The following ABTB2 variants were observed in gnomAD, a reference collection of about 807,000 sequenced individuals.
ABTB2 encodes the protein ankyrin repeat and BTB/POZ domain-containing protein 2.
Under a neutral mutation model 104.1 loss-of-function variants are expected in ABTB2, and 56 were observed. The observed-to-expected ratio is 0.54, with a 90% CI of 0.43 to 0.67. The LOEUF is 0.67. Among genes scored for constraint, ABTB2 ranks in the 30% least tolerant of loss-of-function variants. The pLI is 0.00. For synonymous variants in ABTB2, 606 were observed against 608.2 expected (o/e 1.00, Z 0.05); for missense variants, 1,279 against 1,407.7 (o/e 0.91, Z 1.46).
intron 1 of ABTB2, among the ~76,000 whole-genome samples, chr11:34,276,320 A>T (rs1854381691): frequency 6.6e-6 from 1 of 152,244 alleles, no homozygotes; most frequent in Non-Finnish European, 1.5e-5. Context: ...AGCACTCAAA[A>T]TAGATTGCCT....
intron 1 of ABTB2, among the ~76,000 whole-genome samples, chr11:34,247,049 G>A (rs1483037227): frequency 6.6e-6 from 1 of 152,030 alleles, no homozygotes; most frequent in Non-Finnish European, 1.5e-5. Flanking sequence ...GTTTCTCCAT[G>A]TTGGTCAGGC....
chr11:34,226,139 T>C (rs909274636), intron 1 of ABTB2, among the ~76,000 whole-genome samples: 2 of 148,614 alleles, frequency 1.3e-5, no homozygotes, highest in African/African-American at 5.0e-5. Context: ...GAGGCAGAGA[T>C]TGCAGTGAGC....
intron 1 of ABTB2, among the ~76,000 whole-genome samples, chr11:34,328,542 G>C (rs1478173399): frequency 6.6e-6 from 1 of 152,200 alleles, no homozygotes; most frequent in Non-Finnish European, 1.5e-5. Context: ...TCTTAGCACT[G>C]TACCTGAGCT....
At chr11:34,286,445 A>G (rs1018021624) in intron 1 of ABTB2, among the ~76,000 whole-genome samples, 1 of 151,840 alleles carries the variant, frequency 6.6e-6, no homozygotes, top group Non-Finnish European at 1.5e-5. Flanking sequence ...GGCACCCGCC[A>G]CCACACCCAG....
chr11:34,198,563 C>G (rs968154561), intron 2 of ABTB2, among the ~76,000 whole-genome samples: 1 of 152,188 alleles, frequency 6.6e-6, no homozygotes, highest in African/African-American at 2.4e-5. Context: ...GTTAACCAGC[C>G]ATGGCTGTGT....
intron 8 of ABTB2, among the ~76,000 whole-genome samples, 196 bp from the exon 9 acceptor site, chr11:34,165,017 C>G (rs956314363): frequency 1.3e-5 from 2 of 152,220 alleles, no homozygotes; most frequent in Non-Finnish European, 2.9e-5. Flanking sequence ...CCTGCTCCCC[C>G]TCCCTGGGTC....
chr11:34,267,186 C>T (rs1175268895), intron 1 of ABTB2, among the ~76,000 whole-genome samples: 1 of 152,200 alleles, frequency 6.6e-6, no homozygotes, highest in Non-Finnish European at 1.5e-5. Context: ...TACTCTGTAG[C>T]TGAGGCCAGG....
At chr11:34,174,959 C>T (rs1393277865) in intron 3 of ABTB2, among the ~76,000 whole-genome samples, 1 of 152,258 alleles carries the variant, frequency 6.6e-6, no homozygotes, top group Non-Finnish European at 1.5e-5. Flanking sequence ...CAGGGGCAGG[C>T]GGCCAGGCCT....
intron 4 of ABTB2, among the ~76,000 whole-genome samples, chr11:34,171,487 T>C (rs1384112949): frequency 6.6e-6 from 1 of 152,106 alleles, no homozygotes; most frequent in Non-Finnish European, 1.5e-5. Flanking sequence ...GGCAGGAGAA[T>C]AAATTGAACC....
intron 1 of ABTB2, among the ~76,000 whole-genome samples, chr11:34,276,546 C>T (rs554274418): frequency 0.012 from 1,869 of 152,316 alleles, 18 homozygotes; most frequent in Non-Finnish European, 0.021. Context: ...CTCCCCCATC[C>T]GGGCCTGCCA....
intron 1 of ABTB2, among the ~76,000 whole-genome samples, chr11:34,352,820 C>T (rs1177845761): frequency 6.6e-6 from 1 of 152,202 alleles, no homozygotes; most frequent in Non-Finnish European, 1.5e-5. Context: ...CTCTGGGAGG[C>T]TGAAGCGGGA....
chr11:34,152,794 A>C (rs969163952), intron 16 of ABTB2, among the ~76,000 whole-genome samples: 1 of 152,152 alleles, frequency 6.6e-6, no homozygotes, highest in Non-Finnish European at 1.5e-5. Flanking sequence ...TCATACTGTC[A>C]TGCTGCCCTG....
chr11:34,283,211 C>A (rs1399889433), intron 1 of ABTB2, among the ~76,000 whole-genome samples: 4 of 150,336 alleles, frequency 2.7e-5, no homozygotes, highest in African/African-American at 4.9e-5. Flanking sequence ...AGCCACCGTG[C>A]CCGGCCATCT....
At chr11:34,314,277 C>A (rs1319557052) in intron 1 of ABTB2, among the ~76,000 whole-genome samples, 1 of 152,160 alleles carries the variant, frequency 6.6e-6, no homozygotes, top group Non-Finnish European at 1.5e-5. Flanking sequence ...CTGTTCTTCT[C>A]GGATATGCTG....
intron 3 of ABTB2, among the ~76,000 whole-genome samples, chr11:34,179,046 A>T (rs1057390125): frequency 1.3e-4 from 18 of 141,894 alleles, no homozygotes; most frequent in African/African-American, 4.2e-4. Context: ...ACATCACTGC[A>T]CTCCAGCCTG....
intron 1 of ABTB2, among the ~76,000 whole-genome samples, chr11:34,266,601 C>G (rs894615124): frequency 6.6e-6 from 1 of 152,168 alleles, no homozygotes; most frequent in Non-Finnish European, 1.5e-5. Context: ...CACAACATCT[C>G]CTCTCCTCTC....
Position 34,356,790 on chromosome 11 carries a change from T to C in ABTB2, c.794A>G (p.Glu265Gly). ...GTTGTTGATGACCATCTCCAGGGCCTCAGCAGACACCTCCCCGCCTCCGGC... is the reference window on the plus strand; with the variant it reads ...GTTGTTGATGACCATCTCCAGGGCCCCAGCAGACACCTCCCCGCCTCCGGC... ...GGAGGGEVSA[E>G]ALEMVINNDA... The change falls in exon 1 of 17, where the codon GAG becomes GGG. Residue 265 changes from glutamate to glycine, a missense_variant. By Grantham distance (98) the Glu-to-Gly change is moderately conservative (BLOSUM62 -2). Transcript: ENST00000435224. This position sits in a 1 kb window ranked among gnomAD's most constrained non-coding sequence, Gnocchi z 4.6. 1.2e-6 allele frequency: 2 copies of C among 1,610,484 alleles called. No individual in the cohort carries two copies. Among genetic ancestry groups the C allele is most frequent in the African/African-American group, 1.3e-5 (1 of 75,010 alleles).
chr11:34,301,289 T>C (rs577311905), intron 1 of ABTB2, among the ~76,000 whole-genome samples: 165 of 152,254 alleles, frequency 1.1e-3, no homozygotes, highest in Non-Finnish European at 1.7e-3. Context: ...TCAAAGAACA[T>C]CATCTTGCCA....
chr11:34,266,295 G>C (rs1315049587), intron 1 of ABTB2, among the ~76,000 whole-genome samples: 2 of 152,116 alleles, frequency 1.3e-5, no homozygotes, highest in Non-Finnish European at 2.9e-5. Context: ...ATATTGCCCA[G>C]TCTGGCCTTG....
Sources: allele counts gnomAD v4.1 joint callset (sites outside exome capture counted in the v4.1 genomes callset), GRCh38; gene constraint gnomAD v4.1.1; non-coding constraint Gnocchi (gnomAD v3.1); transcripts MANE v1.5; gene names NCBI Gene and HGNC (gene_info 2026-07-23, HGNC 2026-07-21).